The following KCNQ5 variants were observed in gnomAD, a reference collection of about 807,000 sequenced individuals.
KCNQ5 encodes the protein potassium voltage-gated channel subfamily KQT member 5.
A neutral mutation model predicts 98.2 loss-of-function variants in KCNQ5; 30 were observed. That is an observed-to-expected ratio of 0.31 (90% CI 0.23 to 0.41). The LOEUF is 0.41. KCNQ5 is among the 10% of genes least tolerant of loss of function. The probability of loss-of-function intolerance (pLI) is 1.00; values close to 1 mark genes in which losing one functional copy is unlikely to be tolerated. For synonymous variants in KCNQ5, 458 were observed against 449.4 expected (o/e 1.02, Z -0.24); for missense variants, 835 against 1,182.5 (o/e 0.71, Z 4.31).
At chr6:72,972,958 A>C (rs910341794) in intron 1 of KCNQ5, among the ~76,000 whole-genome samples, 34 of 152,232 alleles carry the variant, frequency 2.2e-4, no homozygotes, top group African/African-American at 8.0e-4. Context: ...TCCAACAGTT[A>C]CAACCTAGGA....
chr6:72,648,024 G>C (rs1765685283), intron 1 of KCNQ5, among the ~76,000 whole-genome samples: 1 of 152,074 alleles, frequency 6.6e-6, no homozygotes, highest in African/African-American at 2.4e-5. Context: ...CACTCCCAGG[G>C]AACATGTACA....
intron 1 of KCNQ5, among the ~76,000 whole-genome samples, chr6:72,726,726 C>G: frequency 6.6e-6 from 1 of 152,138 alleles, no homozygotes; most frequent in East Asian, 1.9e-4. Flanking sequence ...TTAATATTCT[C>G]TTTAATTCTG....
At position 72,729,549 on chromosome 6, in the gene KCNQ5, G is replaced by C. The variant is rs150741226; in HGVS notation, c.398+106962G>C. On this transcript the variant is annotated intron_variant, in intron 1 of 13. Transcript: ENST00000370398. ...GATCCTCCTTGCTGGGATTACAGGC[G>C]TGAGCCACCATGGCTGGCCTGGTTT... Among the ~76,000 whole-genome samples, 162 of 152,310 alleles carry C rather than the reference G, an allele frequency of 1.1e-3. 1 individual carries two copies. The highest frequency in any genetic ancestry group is 3.6e-3 in the African/African-American group (150 of 41,568).
intron 1 of KCNQ5, among the ~76,000 whole-genome samples, chr6:72,647,628 G>A (rs77019211): frequency 0.052 from 7,973 of 152,212 alleles, 650 homozygotes; most frequent in African/African-American, 0.18. Flanking sequence ...ACAGACACAT[G>A]CATGTAATGC....
chr6:72,716,009 C>T (rs1769629403), intron 1 of KCNQ5, among the ~76,000 whole-genome samples: 1 of 152,070 alleles, frequency 6.6e-6, no homozygotes, highest in Non-Finnish European at 1.5e-5. Context: ...TTATAGAGTT[C>T]CTCTTCCACA....
At chr6:72,662,777 A>G (rs550896569) in intron 1 of KCNQ5, among the ~76,000 whole-genome samples, 1 of 152,258 alleles carries the variant, frequency 6.6e-6, no homozygotes, top group African/African-American at 2.4e-5. Flanking sequence ...TGCCCTAATT[A>G]TTAGTAAGAG....
chr6:72,710,472 G>T (rs1472418768), intron 1 of KCNQ5, among the ~76,000 whole-genome samples: 1 of 152,132 alleles, frequency 6.6e-6, no homozygotes, highest in Non-Finnish European at 1.5e-5. Flanking sequence ...AATACACTCA[G>T]ACTGAAAGTG....
chr6:72,713,581 A>C (rs375309082), intron 1 of KCNQ5, among the ~76,000 whole-genome samples: 1 of 152,132 alleles, frequency 6.6e-6, no homozygotes, highest in African/African-American at 2.4e-5. Flanking sequence ...TCTCCAGTCA[A>C]TATTCCATAT....
intron 1 of KCNQ5, among the ~76,000 whole-genome samples, chr6:72,909,157 C>A (rs916941592): frequency 3.9e-5 from 6 of 152,028 alleles, no homozygotes; most frequent in Admixed American, 2.0e-4. Context: ...GATCTTATTT[C>A]ACTTGAAAGA....
At chr6:72,709,277 A>G (rs1769241585) in intron 1 of KCNQ5, among the ~76,000 whole-genome samples, 1 of 152,212 alleles carries the variant, frequency 6.6e-6, no homozygotes, top group South Asian at 2.1e-4. Context: ...TTTTTAGGAC[A>G]TTTATTTCAA....
chr6:72,729,141 A>G (rs1004460759), intron 1 of KCNQ5, among the ~76,000 whole-genome samples: 2 of 152,152 alleles, frequency 1.3e-5, no homozygotes, highest in African/African-American at 2.4e-5. Flanking sequence ...TGGACATACC[A>G]TTATTTATTA....
chr6:72,773,613 TAAAC>T (rs1443634258), intron 1 of KCNQ5, among the ~76,000 whole-genome samples: 6 of 152,220 alleles, frequency 3.9e-5, no homozygotes, highest in East Asian at 1.9e-4. Context: ...AAAAAATAAA[TAAAC>T]AAAGGTAATA....
intron 1 of KCNQ5, among the ~76,000 whole-genome samples, chr6:72,897,249 A>G (rs1294806771): frequency 1.3e-5 from 2 of 152,126 alleles, no homozygotes; most frequent in African/African-American, 4.8e-5. Flanking sequence ...TTATTAAAAA[A>G]TGAGGGTCTA....
chr6:73,157,946 C>A (rs1391511057), intron 10 of KCNQ5: 1 of 769,728 alleles, frequency 1.3e-6, no homozygotes, highest in East Asian at 2.4e-5. Context: ...CAGGCTGTCT[C>A]GCGGTGAGCT....
intron 1 of KCNQ5, among the ~76,000 whole-genome samples, chr6:72,686,632 T>A (rs971244985): frequency 6.6e-6 from 1 of 152,006 alleles, no homozygotes; most frequent in Non-Finnish European, 1.5e-5. Context: ...AATAACTTTT[T>A]AAAAATTTGT....
intron 11 of KCNQ5, among the ~76,000 whole-genome samples, chr6:73,177,292 T>C (rs1778248577): frequency 6.6e-6 from 1 of 152,206 alleles, no homozygotes; most frequent in Non-Finnish European, 1.5e-5. Context: ...TGAACATAGA[T>C]GAAGTGTCAA....
intron 3 of KCNQ5, among the ~76,000 whole-genome samples, chr6:73,065,544 A>G (rs761347498): frequency 1.2e-4 from 19 of 152,148 alleles, no homozygotes; most frequent in Non-Finnish European, 2.1e-4. Context: ...AACCAAAATG[A>G]TCTTGTGAAA....
At chr6:73,113,989 A>G (rs1345615977) in intron 7 of KCNQ5, among the ~76,000 whole-genome samples, 2 of 152,252 alleles carry the variant, frequency 1.3e-5, no homozygotes. Flanking sequence ...GAAGCATTCA[A>G]GAGTACTTTT....
chr6:72,981,959 G>A (rs1768481368), intron 1 of KCNQ5, among the ~76,000 whole-genome samples: 1 of 152,204 alleles, frequency 6.6e-6, no homozygotes, highest in Non-Finnish European at 1.5e-5. Context: ...ACACAGTCAT[G>A]CGATTTTGAG....
Sources: allele counts gnomAD v4.1 joint callset (sites outside exome capture counted in the v4.1 genomes callset), GRCh38; gene constraint gnomAD v4.1.1; transcripts MANE v1.5; gene names NCBI Gene and HGNC (gene_info 2026-07-23, HGNC 2026-07-21).